MID1: variants seen among roughly 807,000 people sequenced by gnomAD.
The protein encoded by MID1 is midline 1.
In MID1, 7 loss-of-function variants were observed where a neutral mutation model predicts 40.4. That is an observed-to-expected ratio of 0.17 (90% CI 0.10 to 0.33). The LOEUF is 0.33. Among genes scored for constraint, MID1 ranks in the 10% least tolerant of loss-of-function variants. The probability of loss-of-function intolerance (pLI) is 1.00; values close to 1 mark genes in which losing one functional copy is unlikely to be tolerated. For synonymous variants in MID1, 229 were observed against 221.2 expected (o/e 1.04, Z -0.31); for missense variants, 367 against 558.5 (o/e 0.66, Z 3.46).
chrX:10,508,725 T>C (rs1825761276), intron 3 of MID1, among the ~76,000 whole-genome samples: 1 of 111,955 alleles, frequency 8.9e-6, no homozygotes, highest in Non-Finnish European at 1.9e-5. Flanking sequence ...ATTAAAATTC[T>C]GTTTCAACAA....
chrX:10,526,844 A>T (rs1447283123), intron 2 of MID1, among the ~76,000 whole-genome samples: 2 of 111,923 alleles, frequency 1.8e-5, no homozygotes, highest in African/African-American at 6.5e-5. Context: ...AGCATAATAA[A>T]GGGAAATTAA....
intron 1 of MID1, among the ~76,000 whole-genome samples, chrX:10,597,469 T>G (rs984839395): frequency 8.9e-6 from 1 of 111,781 alleles, no homozygotes; most frequent in Non-Finnish European, 1.9e-5. Flanking sequence ...TTTTCCCCAT[T>G]ATAACATGCA....
intron 3 of MID1, among the ~76,000 whole-genome samples, chrX:10,513,226 T>C (rs1354474063): frequency 4.4e-5 from 5 of 112,510 alleles, no homozygotes; most frequent in Admixed American, 9.4e-5. Context: ...TTGATTGTCA[T>C]TGGAAGACAA....
At chrX:10,555,646 C>G (rs1250030042) in intron 2 of MID1, among the ~76,000 whole-genome samples, 1 of 109,666 alleles carries the variant, frequency 9.1e-6, no homozygotes, top group Non-Finnish European at 1.9e-5. Flanking sequence ...TTTTTAAAAG[C>G]AGGATCTGAT....
intron 4 of MID1, among the ~76,000 whole-genome samples, chrX:10,491,104 T>C (rs1375190815): frequency 8.9e-6 from 1 of 112,004 alleles, no homozygotes; most frequent in African/African-American, 3.2e-5. Flanking sequence ...GCTGGCAAAC[T>C]TTTCCTGTAG....
intron 1 of MID1, among the ~76,000 whole-genome samples, chrX:10,586,308 C>T (rs985729881): frequency 9.0e-6 from 1 of 111,519 alleles, no homozygotes; most frequent in South Asian, 3.8e-4. Context: ...CCTCATGTTT[C>T]GGCCGTGCAT....
intron 7 of MID1, among the ~76,000 whole-genome samples, chrX:10,463,125 ATATC>A (rs1355801614): frequency 8.9e-6 from 1 of 112,558 alleles, no homozygotes; most frequent in East Asian, 2.8e-4. Context: ...AATTAAATAA[ATATC>A]TAGTTATTGA....
chrX:10,578,124 G>A (rs968311918), intron 1 of MID1, among the ~76,000 whole-genome samples: 2 of 112,612 alleles, frequency 1.8e-5, no homozygotes, highest in Admixed American at 1.9e-4. Flanking sequence ...TGCTTCACAT[G>A]TTAGGACATA....
At chrX:10,714,642 G>C (rs1409617886) in intron 1 of MID1, among the ~76,000 whole-genome samples, 1 of 112,481 alleles carries the variant, frequency 8.9e-6, no homozygotes, top group Non-Finnish European at 1.9e-5. Context: ...TGTAGCTCAT[G>C]CTTACTGATA....
chrX:10,681,051 A>G (rs906951990), intron 1 of MID1, among the ~76,000 whole-genome samples: 8 of 103,800 alleles, frequency 7.7e-5, no homozygotes, highest in African/African-American at 2.8e-4. Flanking sequence ...AATAATAATA[A>G]TAATAATAAT....
At chrX:10,561,375 A>T (rs1483798862) in intron 2 of MID1, among the ~76,000 whole-genome samples, 1 of 107,050 alleles carries the variant, frequency 9.3e-6, no homozygotes, top group Non-Finnish European at 1.9e-5. Flanking sequence ...AATGGGATCT[A>T]ATTAAACTAA....
intron 4 of MID1, among the ~76,000 whole-genome samples, chrX:10,483,314 T>C (rs1275234865): frequency 8.9e-6 from 1 of 112,013 alleles, no homozygotes; most frequent in African/African-American, 3.2e-5. Context: ...CTAGGAACTA[T>C]TTTGATAAGC....
At chrX:10,825,153 A>C (rs1364574091) in intron 1 of MID1, among the ~76,000 whole-genome samples, 1 of 112,249 alleles carries the variant, frequency 8.9e-6, no homozygotes, top group African/African-American at 3.2e-5. Flanking sequence ...AGAGACTTAC[A>C]TAATGTGTGC....
intron 1 of MID1, among the ~76,000 whole-genome samples, chrX:10,690,585 C>T (rs772045423): frequency 2.5e-4 from 28 of 111,658 alleles, no homozygotes; most frequent in African/African-American, 9.1e-4. Flanking sequence ...TATGTGGTTA[C>T]CAAGCATTCA....
At position 10,533,383 on chromosome X, in the gene MID1, AAAGAAAG is replaced by A. The variant is rs1569089853; in HGVS notation, c.661-10203_661-10197del. On this transcript the variant is annotated intron_variant, in intron 2 of 9. Coordinates refer to ENST00000317552, the MANE Select transcript of MID1 (RefSeq NM_000381.4). ...AAGAAAGAAAGAAAGAAAGAAAAAG[AAAGAAAG>A]AAAAGAAAGAAAGAAAGAAAGAAAG... Among the ~76,000 whole-genome samples the A allele has an allele frequency of 1.7e-3, 125 of 71,809 alleles. No individual in the cohort carries two copies. The South Asian group carries it at 0.026, about 15-fold the overall frequency. 62.4% of individuals were successfully genotyped at this position (71,809 alleles called of 115,157 possible).
intron 1 of MID1, among the ~76,000 whole-genome samples, chrX:10,756,969 A>G (rs1226162255): frequency 9.0e-6 from 1 of 111,567 alleles, no homozygotes; most frequent in Non-Finnish European, 1.9e-5. Flanking sequence ...CCAAATTAAA[A>G]TCACCTCTAT....
In MID1 at chrX:10,724,515, A is replaced by G. The variant is rs146834643; in HGVS notation, c.-186-104096T>C. Among the ~76,000 whole-genome samples the G allele has an allele frequency of 7.6e-3, 855 of 112,026 alleles. 8 individuals are homozygous for G. The highest frequency in any genetic ancestry group is 9.7e-3 in the Non-Finnish European group (514 of 53,220). On this transcript the variant is annotated intron_variant, in intron 1 of 10. Transcript: ENST00000380785. ...GATGAGAATTGATTATAGCATATGCAGCTGACTATAGTAATTCAATAAAAG... is the reference window on the plus strand; with the variant it reads ...GATGAGAATTGATTATAGCATATGCGGCTGACTATAGTAATTCAATAAAAG...
intron 1 of MID1, chrX:10,589,890 C>G (rs1347956103): frequency 9.1e-6 from 1 of 109,780 alleles, no homozygotes; most frequent in East Asian, 2.9e-4. Flanking sequence ...TCCTCAGACA[C>G]CGAGATAAAG....
At chrX:10,727,460 G>A (rs893756257) in intron 1 of MID1, among the ~76,000 whole-genome samples, 2 of 112,584 alleles carry the variant, frequency 1.8e-5, no homozygotes, top group African/African-American at 6.5e-5. Flanking sequence ...GAATTATAAA[G>A]GATTAGTCCA....
Sources: gnomAD v4.1 joint callset for allele counts (sites outside exome capture counted in the v4.1 genomes callset) on GRCh38, gnomAD v4.1.1 for gene constraint, MANE v1.5 for transcripts, NCBI Gene and HGNC (gene_info 2026-07-23, HGNC 2026-07-21) for gene names.